The following BMS1 variants were observed in gnomAD, a reference collection of about 807,000 sequenced individuals.
BMS1 encodes ribosome biogenesis protein BMS1 homolog.
Under a neutral mutation model 138.7 loss-of-function variants are expected in BMS1, and 53 were observed. The ratio of observed to expected loss-of-function variants is 0.38; its 90% CI spans 0.31 to 0.48. BMS1 has a LOEUF of 0.48. Ranked by LOEUF, BMS1 falls within the 20% of genes least tolerant of loss-of-function variation. The pLI is 0.97. For synonymous variants in BMS1, 504 were observed against 539.9 expected (o/e 0.93, Z 0.92); for missense variants, 1,360 against 1,565.5 (o/e 0.87, Z 2.22).
chr10:42,796,274 T>G (rs1034006390), intron 9 of BMS1, among the ~76,000 whole-genome samples, 200 bp from the exon 10 acceptor site: 2 of 152,230 alleles, frequency 1.3e-5, no homozygotes, highest in Non-Finnish European at 2.9e-5. Context: ...TCTTTTGAAG[T>G]GTGGTGTTAG....
rs1013109188 is a variant in BMS1 at position 42,820,744 on chromosome 10, G to A, written c.2950+56G>A. 4.1e-5 allele frequency: 65 copies of A among 1,569,742 alleles called. No individual in the cohort carries two copies. In the East Asian group the frequency reaches 6.9e-4, roughly 17 times the overall value. On this transcript the variant is annotated intron_variant, in intron 17 of 22. Coordinates refer to ENST00000374518, the MANE Select transcript of BMS1 (RefSeq NM_014753.4). ...GCCAAGATTAAACCTTACAGGCTGC[G>A]TTATTATAGCTTTGTGCTTTTCTTT...
At chr10:42,807,298 A>G (rs886961042) in intron 13 of BMS1, among the ~76,000 whole-genome samples, 2 of 151,066 alleles carry the variant, frequency 1.3e-5, no homozygotes, top group Non-Finnish European at 2.9e-5. Flanking sequence ...CATACAGTCT[A>G]TAAACTTTTG....
chr10:42,807,832 T>A (rs761961192), intron 13 of BMS1, among the ~76,000 whole-genome samples: 18 of 149,482 alleles, frequency 1.2e-4, no homozygotes, highest in South Asian at 4.2e-4. Context: ...ATAATGCAAT[T>A]GCTGGGTCAT....
Position 42,834,496 on chromosome 10 carries a change from C to A in BMS1, c.*3400C>A, listed in dbSNP as rs1397555742. ...TAAAGCCATTATTCAGAGTCTTCAGCAAGGACATTGTATTTTACTTGTGTC... is the reference window on the plus strand; with the variant it reads ...TAAAGCCATTATTCAGAGTCTTCAGAAAGGACATTGTATTTTACTTGTGTC... On this transcript the variant is annotated 3_prime_UTR_variant, in exon 23 of 23. Transcript: ENST00000374518. The A allele has an allele frequency of 1.3e-5, 2 of 151,936 alleles. No homozygotes were observed. Among genetic ancestry groups the A allele is most frequent in the Admixed American group, 1.3e-4 (2 of 15,228 alleles). The allele number at this position is 151,936 out of a possible 1,614,324, so 9.4% of individuals were successfully genotyped here. A position where few individuals can be genotyped will look rare whatever the true frequency, so the allele number is the denominator to read the frequency against.
Position 42,796,569 on chromosome 10 carries a change from GTGA to G in BMS1, c.1332_1334del (p.Asp444del), listed in dbSNP as rs765353246. On this transcript the variant is annotated inframe_deletion, in exon 10 of 23. Coordinates refer to ENST00000374518, the MANE Select transcript of BMS1 (RefSeq NM_014753.4). ...GGAGATGAAGATGAATCTGGAGATA[GTGA>G]TGATGAAGAAGATGATGAAATGTCT... is the stretch of plus-strand genomic sequence containing the variant. 6.2e-7 allele frequency: 1 copy of G among 1,614,196 alleles called. No individual in the cohort carries two copies.
intron 4 of BMS1, among the ~76,000 whole-genome samples, chr10:42,789,722 T>C (rs1841445192): frequency 6.6e-6 from 1 of 152,206 alleles, no homozygotes; most frequent in Non-Finnish European, 1.5e-5. Context: ...GATTGTGGTT[T>C]TTTTTTCTAT....
At chr10:42,810,004 G>A (rs1276534033) in intron 13 of BMS1, among the ~76,000 whole-genome samples, 1 of 145,600 alleles carries the variant, frequency 6.9e-6, no homozygotes, top group Non-Finnish European at 1.5e-5. Context: ...TGTTGCCCAG[G>A]CTGGTCTTGG....
At chr10:42,793,216 A>G in intron 8 of BMS1, 72 bp downstream of exon 8, 1 of 1,441,308 alleles carries the variant, frequency 6.9e-7, no homozygotes, top group Non-Finnish European at 9.2e-7. Flanking sequence ...AATCACAAAA[A>G]GTAATGTACT....
intron 15 of BMS1, among the ~76,000 whole-genome samples, chr10:42,818,153 A>G (rs1210588230): frequency 2.0e-5 from 3 of 152,216 alleles, no homozygotes; most frequent in South Asian, 2.1e-4. Flanking sequence ...GCTGGAACAG[A>G]TTAGGTATAT....
In BMS1 at chr10:42,783,169, G is replaced by A. The variant is rs150030602; in HGVS notation, c.-34+339G>A. Among the ~76,000 whole-genome samples the A allele has an allele frequency of 1.9e-3, 282 of 152,154 alleles. 1 individual carries two copies. Among genetic ancestry groups the A allele is most frequent in the African/African-American group, 6.6e-3 (276 of 41,510 alleles). Reference sequence around the variant, plus strand: ...AAGAAAGACAGGGAGAGAAACATTAGTACAAGTGCTGAACTAAAATATAGC... The same window carrying A: ...AAGAAAGACAGGGAGAGAAACATTAATACAAGTGCTGAACTAAAATATAGC... On this transcript the variant is annotated intron_variant, in intron 1 of 22. Coordinates refer to ENST00000374518, the MANE Select transcript of BMS1 (RefSeq NM_014753.4).
intron 12 of BMS1, among the ~76,000 whole-genome samples, chr10:42,798,941 A>G (rs1431669552): frequency 6.6e-6 from 1 of 152,222 alleles, no homozygotes; most frequent in Non-Finnish European, 1.5e-5. Flanking sequence ...ACTAGGATAT[A>G]TGTAGCATCC....
rs1202026133 is a variant in BMS1 at position 42,785,545 on chromosome 10, C to T, written c.240C>T (p.Pro80=). The change falls in exon 3 of 23, where the codon CCC becomes CCT. Residue 80 remains proline, a synonymous_variant. Coordinates refer to ENST00000374518, the MANE Select transcript of BMS1 (RefSeq NM_014753.4). The stretch of plus-strand genomic sequence containing the variant: ...TGGTTGATCGAACTCCACTAGAGCC[C>T]CCACCAATAGTGGTAGTGGTGATGG... ...IPVVDRTPLE[P]PPIVVVVMGP... 6.2e-7 allele frequency: 1 copy of T among 1,613,676 alleles called. No homozygotes were observed. Among genetic ancestry groups the T allele is most frequent in the Admixed American group, 1.7e-5 (1 of 60,004 alleles).
chr10:42,794,205 A>G (rs543173502), intron 9 of BMS1, among the ~76,000 whole-genome samples: 1 of 151,768 alleles, frequency 6.6e-6, no homozygotes, highest in African/African-American at 2.4e-5. Flanking sequence ...TTTTCAACAG[A>G]CCCCAAATAT....
intron 1 of BMS1, among the ~76,000 whole-genome samples, chr10:42,783,229 A>G (rs1589126287): frequency 6.6e-6 from 1 of 152,150 alleles, no homozygotes; most frequent in East Asian, 1.9e-4. Context: ...TCACACAGCT[A>G]TTCGGTTTCA....
chr10:42,813,433 T>A (rs2132358117), intron 13 of BMS1, among the ~76,000 whole-genome samples: 1 of 152,314 alleles, frequency 6.6e-6, no homozygotes, highest in East Asian at 1.9e-4. Flanking sequence ...TTGCTCTGGA[T>A]GTTACAATAT....
chr10:42,791,070 T>TTG (rs1433913229), intron 5 of BMS1, among the ~76,000 whole-genome samples: 1 of 152,114 alleles, frequency 6.6e-6, no homozygotes, highest in African/African-American at 2.4e-5. Flanking sequence ...CTGAATTCCT[T>TTG]TGTGTGTGTG....
chr10:42,827,488 C>T (rs1281865721), intron 21 of BMS1, among the ~76,000 whole-genome samples: 1 of 152,046 alleles, frequency 6.6e-6, no homozygotes, highest in Non-Finnish European at 1.5e-5. Flanking sequence ...GACATGCTCC[C>T]GAAGTGATTC....
At chr10:42,827,842 T>G (rs1842694009) in intron 21 of BMS1, among the ~76,000 whole-genome samples, 1 of 152,136 alleles carries the variant, frequency 6.6e-6, no homozygotes, top group Non-Finnish European at 1.5e-5. Flanking sequence ...GGGCTATTGA[T>G]CGGCCCCTTG....
chr10:42,833,935 C>T lies in BMS1; in HGVS notation c.*2839C>T, dbSNP rs1181548494. 1.3e-5 allele frequency: 2 copies of T among 152,170 alleles called. No individual in the cohort carries two copies. The highest frequency in any genetic ancestry group is 4.8e-5 in the African/African-American group (2 of 41,426). The allele number at this position is 152,170 out of a possible 1,614,324, so 9.4% of individuals were successfully genotyped here. On this transcript the variant is annotated 3_prime_UTR_variant, in exon 23 of 23. Transcript: ENST00000374518. ...CTGAGCTTCGTGCTGCATAAAATTG[C>T]TTGGAAGAAAGAAGGGAGGGCATTC...
Sources: gnomAD v4.1 joint callset for allele counts (sites outside exome capture counted in the v4.1 genomes callset) on GRCh38, gnomAD v4.1.1 for gene constraint, MANE v1.5 for transcripts, NCBI Gene and HGNC (gene_info 2026-07-23, HGNC 2026-07-21) for gene names.